NUP98: variants seen among roughly 807,000 people sequenced by gnomAD.
NUP98 encodes nuclear pore complex protein Nup98-Nup96.
NUP98 carries 26 observed loss-of-function variants against 191.9 expected under a neutral mutation model. That is an observed-to-expected ratio of 0.14 (90% CI 0.10 to 0.19). The LOEUF (loss-of-function observed/expected upper bound fraction) is 0.19, where lower values mean the gene tolerates loss of function less well. NUP98 is among the 10% of genes least tolerant of loss of function. The pLI is 1.00. For synonymous variants in NUP98, 808 were observed against 778.4 expected (o/e 1.04, Z -0.63); for missense variants, 1,941 against 2,178.8 (o/e 0.89, Z 2.17).
intron 26 of NUP98, among the ~76,000 whole-genome samples, 198 bp downstream of exon 26, chr11:3,695,251 T>C (rs916158846): frequency 2.6e-5 from 4 of 152,256 alleles, no homozygotes; most frequent in African/African-American, 9.6e-5. Context: ...ATATGATACA[T>C]TTTAACATTT....
chr11:3,772,460 GAACAAACT>G (rs1309740274), intron 6 of NUP98, among the ~76,000 whole-genome samples: 2 of 152,062 alleles, frequency 1.3e-5, no homozygotes, highest in African/African-American at 4.8e-5. Flanking sequence ...CAATAAGAAT[GAACAAACT>G]AACTTCATGC....
chr11:3,740,990 T>C (rs1305328881), intron 12 of NUP98, among the ~76,000 whole-genome samples: 1 of 151,788 alleles, frequency 6.6e-6, no homozygotes, highest in African/African-American at 2.4e-5. Flanking sequence ...GGCTAGTTTT[T>C]CTATTTGTGG....
chr11:3,706,718 T>C, intron 20 of NUP98, 91 bp from the exon 21 acceptor site: 1 of 1,235,052 alleles, frequency 8.1e-7, no homozygotes. Flanking sequence ...CAGAATATGA[T>C]ACAACAATTA....
chr11:3,771,739 A>C lies in NUP98; in HGVS notation c.784+9T>G. The C allele has an allele frequency of 6.2e-7, 1 of 1,612,578 alleles. No individual in the cohort carries two copies. Among genetic ancestry groups the C allele is most frequent in the Non-Finnish European group, 8.5e-7 (1 of 1,178,636 alleles). On this transcript the variant is annotated intron_variant, in intron 7 of 32. Coordinates refer to ENST00000324932, the MANE Select transcript of NUP98 (RefSeq NM_016320.5). The stretch of plus-strand genomic sequence containing the variant: ...CTCAGTATAATCTAACATGATATCA[A>C]GTGCTTACTAGTTCCAAAGGCAGTT...
chr11:3,712,348 A>T, intron 20 of NUP98: 1 of 1,371,736 alleles, frequency 7.3e-7, no homozygotes, highest in South Asian at 1.9e-5. Context: ...TAGAGGAATA[A>T]TCCAAACAGC....
chr11:3,734,918 T>TAATTAAAAATGTTGTTTC (rs1212839483), intron 13 of NUP98, among the ~76,000 whole-genome samples: 1 of 152,186 alleles, frequency 6.6e-6, no homozygotes, highest in East Asian at 1.9e-4. Context: ...AAAGTTGTTT[T>TAATTAAAAATGTTGTTTC]AATTAAAAAT....
intron 29 of NUP98, among the ~76,000 whole-genome samples, chr11:3,685,685 C>T (rs2078113473): frequency 6.6e-6 from 1 of 152,204 alleles, no homozygotes; most frequent in Non-Finnish European, 1.5e-5. Context: ...AAGAATTTCT[C>T]TGATCAATGC....
chr11:3,693,482 A>C (rs2078387859), intron 26 of NUP98, 107 bp from the exon 27 acceptor site: 1 of 1,097,246 alleles, frequency 9.1e-7, no homozygotes, highest in South Asian at 1.5e-5. Context: ...ATTTTAAATG[A>C]TTCAGATATA....
At chr11:3,739,839 G>C (rs1307850567) in intron 12 of NUP98, among the ~76,000 whole-genome samples, 7 of 152,128 alleles carry the variant, frequency 4.6e-5, no homozygotes, top group African/African-American at 1.4e-4. Context: ...ACACAAGTTT[G>C]AACTGTGTGG....
intron 8 of NUP98, among the ~76,000 whole-genome samples, chr11:3,765,025 C>T (rs1214784510): frequency 6.6e-6 from 1 of 152,090 alleles, no homozygotes; most frequent in Non-Finnish European, 1.5e-5. Flanking sequence ...CAATTCAAAT[C>T]CTTGGCCCTT....
intron 28 of NUP98, 67 bp downstream of exon 28, chr11:3,691,280 C>T (rs1177979191): frequency 3.4e-5 from 53 of 1,573,626 alleles, no homozygotes; most frequent in Middle Eastern, 4.0e-4. Context: ...AGGGAAAGGA[C>T]GCAGCAAAGG....
chr11:3,681,503 A>C (rs2077982971), intron 30 of NUP98, among the ~76,000 whole-genome samples: 1 of 152,242 alleles, frequency 6.6e-6, no homozygotes, highest in South Asian at 2.1e-4. Flanking sequence ...CATGGGTTGC[A>C]GAGTAGATGT....
At chr11:3,702,326 CTCTCTCTCTCTCTCTCTCTCTCTCTCT>C in intron 23 of NUP98, 110 bp downstream of exon 23, 2 of 209,866 alleles carry the variant, frequency 9.5e-6, no homozygotes, top group East Asian at 6.2e-5. Flanking sequence ...CTCTCTCTCT[CTCTCTCTCTCTCTCTCTCTCTCTCTCT>C]CTCTCTCTCT....
chr11:3,696,656 A>G (rs2078517686), intron 25 of NUP98: 1 of 152,038 alleles, frequency 6.6e-6, no homozygotes, highest in Non-Finnish European at 1.5e-5. Context: ...TAAATATACA[A>G]AAGTTAGCCG....
chr11:3,711,749 G>A (rs2079027713), intron 20 of NUP98: 1 of 588,708 alleles, frequency 1.7e-6, no homozygotes, highest in Non-Finnish European at 2.2e-6. Context: ...AAACATAAAA[G>A]TCAATATATT....
chr11:3,781,161 C>T (rs909300096), intron 2 of NUP98, among the ~76,000 whole-genome samples: 2 of 125,624 alleles, frequency 1.6e-5, no homozygotes, highest in East Asian at 2.4e-4. Context: ...ACTCCAGCCT[C>T]GGTGACAGTG....
At chr11:3,790,989 A>G (rs908307617) in intron 1 of NUP98, among the ~76,000 whole-genome samples, 7 of 150,352 alleles carry the variant, frequency 4.7e-5, no homozygotes, top group Middle Eastern at 3.2e-3. Context: ...TCTGCCTCCC[A>G]GGTTCACGAC....
chr11:3,792,894 G>A (rs543985461), intron 1 of NUP98, among the ~76,000 whole-genome samples: 6 of 152,034 alleles, frequency 3.9e-5, no homozygotes, highest in East Asian at 3.9e-4. Context: ...CAAGGCAGGC[G>A]GATCACTTGA....
intron 18 of NUP98, among the ~76,000 whole-genome samples, chr11:3,717,244 C>T (rs180988221): frequency 5.4e-4 from 82 of 152,220 alleles, no homozygotes; most frequent in Admixed American, 3.3e-4. Context: ...GTGATCTGCC[C>T]GCCTAGGCCT....
Sources: allele counts gnomAD v4.1 joint callset (sites outside exome capture counted in the v4.1 genomes callset), GRCh38; gene constraint gnomAD v4.1.1; transcripts MANE v1.5; gene names NCBI Gene and HGNC (gene_info 2026-07-23, HGNC 2026-07-21).